The following PTPRA variants were observed in gnomAD, a reference collection of about 807,000 sequenced individuals.
PTPRA encodes the protein receptor-type tyrosine-protein phosphatase alpha.
In PTPRA, 25 loss-of-function variants were observed where a neutral mutation model predicts 104.8. The ratio of observed to expected loss-of-function variants is 0.24; its 90% confidence interval spans 0.17 to 0.33. The LOEUF is 0.33. Among genes scored for constraint, PTPRA ranks in the 10% least tolerant of loss-of-function variants. The pLI, the probability that PTPRA is intolerant of heterozygous loss-of-function variation, is 1.00. For synonymous variants in PTPRA, 323 were observed against 368.9 expected, an observed-to-expected ratio of 0.88 and a Z score of 1.43; for missense variants, 765 against 1,015.3, an observed-to-expected ratio of 0.75 and a Z score of 3.35.
chr20:2,897,263 T>A (rs2059035924), intron 1 of PTPRA, among the ~76,000 whole-genome samples: 3 of 152,226 alleles, frequency 2.0e-5, no homozygotes, highest in Admixed American at 2.0e-4. Context: ...TCTCATCAAA[T>A]TTTTGCTTGC....
At chr20:3,008,728 T>TAAAAAAAA (rs763235190) in intron 11 of PTPRA, among the ~76,000 whole-genome samples, 1 of 63,668 alleles carries the variant, frequency 1.6e-5, no homozygotes, top group Non-Finnish European at 3.4e-5. Flanking sequence ...TCATCTCTAC[T>TAAAAAAAA]AAAAAAAAAA....
chr20:2,890,136 G>A (rs940642211), intron 1 of PTPRA, among the ~76,000 whole-genome samples: 6 of 149,296 alleles, frequency 4.0e-5, no homozygotes, highest in African/African-American at 1.2e-4. Flanking sequence ...GCCTCAAACA[G>A]TCCTCCCGCC....
At position 2,940,426 on chromosome 20, in the gene PTPRA, G is replaced by A. The variant is rs73086641; in HGVS notation, c.-49-7556G>A. 6.4e-3 allele frequency among the ~76,000 whole-genome samples: 969 copies of A among 151,982 alleles called. 10 individuals are homozygous for A. The highest frequency in any genetic ancestry group is 0.011 in the Non-Finnish European group (746 of 67,974). ...CTCCCTCAGCCTTCCAAGTATCTGGGACTACAGGCATATACCCCCATACCT... is the reference window on the plus strand; with the variant it reads ...CTCCCTCAGCCTTCCAAGTATCTGGAACTACAGGCATATACCCCCATACCT... On this transcript the variant is annotated intron_variant, in intron 2 of 23. Transcript: ENST00000399903.
intron 9 of PTPRA, among the ~76,000 whole-genome samples, chr20:3,002,724 A>G (rs1458129686): frequency 6.6e-6 from 1 of 152,092 alleles, no homozygotes; most frequent in Non-Finnish European, 1.5e-5. Flanking sequence ...TCTCTAGTCC[A>G]TTTTCCATAC....
At chr20:2,892,757 G>A (rs1457247093) in intron 1 of PTPRA, among the ~76,000 whole-genome samples, 2 of 152,156 alleles carry the variant, frequency 1.3e-5, no homozygotes, top group African/African-American at 4.8e-5. Context: ...TTGGAATATA[G>A]CCCCATTGTA....
intron 11 of PTPRA, among the ~76,000 whole-genome samples, chr20:3,010,970 C>T (rs183683235): frequency 4.9e-4 from 74 of 152,324 alleles, no homozygotes; most frequent in African/African-American, 1.6e-3. Context: ...GCAGCATCTG[C>T]CACCGTAACC....
intron 1 of PTPRA, among the ~76,000 whole-genome samples, chr20:2,897,384 C>CTTTTTTTTT (rs60627339): frequency 9.2e-6 from 1 of 108,932 alleles, no homozygotes; most frequent in African/African-American, 3.8e-5. Context: ...CTTGGCATTT[C>CTTTTTTTTT]TTTTTTTTTT....
chr20:3,037,331 C>T lies in PTPRA; in HGVS notation c.2334+42C>T. 1 of 1,606,852 alleles carries T rather than the reference C, an allele frequency of 6.2e-7. No individual in the cohort carries two copies. Among genetic ancestry groups the T allele is most frequent in the Non-Finnish European group, 8.5e-7 (1 of 1,176,480 alleles). The stretch of plus-strand genomic sequence containing the variant: ...TTTGTCCCTGCCACCACACCACCTG[C>T]AGCCCTTCTCTCAGGGAGGAGGCTC... On this transcript the variant is annotated intron_variant, in intron 23 of 23. Coordinates refer to ENST00000399903, the MANE Select transcript of PTPRA (RefSeq NM_001385305.1). The surrounding 1 kb of genome is among the most constrained non-coding windows in gnomAD (Gnocchi z 4.3).
At chr20:2,877,442 A>G (rs1259300191) in intron 1 of PTPRA, among the ~76,000 whole-genome samples, 1 of 152,082 alleles carries the variant, frequency 6.6e-6, no homozygotes, top group Non-Finnish European at 1.5e-5. Context: ...TATTTTTAGT[A>G]AAGACGGGGT....
intron 3 of PTPRA, 149 bp from the exon 4 acceptor site, chr20:2,964,123 G>A (rs1400108226): frequency 7.7e-6 from 5 of 649,834 alleles, no homozygotes; most frequent in Admixed American, 3.0e-5. Context: ...TTGGATATCT[G>A]AGGAAGCATG....
At position 2,889,181 on chromosome 20, in the gene PTPRA, A is replaced by G. The variant is rs564067850; in HGVS notation, c.-129+15421A>G. Among the ~76,000 whole-genome samples, 5 of 152,348 alleles carry G rather than the reference A, an allele frequency of 3.3e-5. No individual in the cohort carries two copies. The South Asian group carries it at 1.0e-3, about 32-fold the overall frequency. On this transcript the variant is annotated intron_variant, in intron 1 of 23. Coordinates refer to ENST00000399903, the MANE Select transcript of PTPRA (RefSeq NM_001385305.1). The stretch of plus-strand genomic sequence containing the variant: ...AACATGTATTAAAGTGGTAAATTTA[A>G]AACCCAGTTTTCTTTTAGTCTTGTT...
intron 1 of PTPRA, among the ~76,000 whole-genome samples, chr20:2,896,965 G>A (rs540128976): frequency 6.6e-6 from 1 of 152,246 alleles, no homozygotes; most frequent in Admixed American, 6.5e-5. Context: ...TTATTTTGTA[G>A]CAAGTCCCAC....
chr20:2,964,963 T>C lies in PTPRA; in HGVS notation c.176T>C (p.Leu59Pro), dbSNP rs1310473627. The C allele has an allele frequency of 5.0e-6, 8 of 1,613,988 alleles. No individual in the cohort carries two copies. In the East Asian group the frequency reaches 1.8e-4, roughly 36 times the overall value. The change falls in exon 5 of 24, where the codon CTT becomes CCT. Residue 59 changes from leucine to proline, a missense_variant. By Grantham distance (98) the Leu-to-Pro change is moderately conservative (BLOSUM62 -3). Coordinates refer to ENST00000399903, the MANE Select transcript of PTPRA (RefSeq NM_001385305.1). ...TSNPTSSLTS[L>P]SVAPTFSPNI... ...AATCCAACTTCTTCACTAACTTCTC[T>C]TTCTGTGGCACCAACATTCAGCCCA...
chr20:2,899,151 A>G (rs1425490803), intron 1 of PTPRA, among the ~76,000 whole-genome samples: 1 of 152,224 alleles, frequency 6.6e-6, no homozygotes, highest in East Asian at 1.9e-4. Flanking sequence ...CTTGGCCAAC[A>G]TGATGAAACC....
chr20:2,948,900 C>T (rs1418478112), intron 3 of PTPRA, among the ~76,000 whole-genome samples: 3 of 151,786 alleles, frequency 2.0e-5, no homozygotes, highest in South Asian at 4.2e-4. Flanking sequence ...TGCAGTGAGC[C>T]GAGATTGCAC....
intron 6 of PTPRA, among the ~76,000 whole-genome samples, chr20:2,979,367 C>T (rs556807941): frequency 7.7e-4 from 118 of 152,320 alleles, no homozygotes; most frequent in African/African-American, 2.6e-3. Flanking sequence ...TCCTGTTGCA[C>T]AGGTATTGGA....
chr20:3,019,256 C>G (rs1443801671), intron 13 of PTPRA, among the ~76,000 whole-genome samples: 4 of 146,300 alleles, frequency 2.7e-5, no homozygotes, highest in African/African-American at 1.0e-4. Context: ...GGGGGGCTGA[C>G]CCCCCCACCT....
chr20:2,948,899 C>T (rs1490341644), intron 3 of PTPRA, among the ~76,000 whole-genome samples: 3 of 152,026 alleles, frequency 2.0e-5, no homozygotes, highest in Middle Eastern at 3.2e-3. Flanking sequence ...TTGCAGTGAG[C>T]CGAGATTGCA....
chr20:2,872,783 C>T (rs2089461705), upstream of PTPRA, among the ~76,000 whole-genome samples: 2 of 152,212 alleles, frequency 1.3e-5, 1 homozygote, highest in Admixed American at 1.3e-4. This position sits in a 1 kb window ranked among gnomAD's most constrained non-coding sequence, Gnocchi z 7.9. Flanking sequence ...ACTCTGGCTC[C>T]TCTCTGCGTT....
Sources: gnomAD v4.1 joint callset for allele counts (sites outside exome capture counted in the v4.1 genomes callset) on GRCh38, gnomAD v4.1.1 for gene constraint, Gnocchi (gnomAD v3.1) non-coding constraint, MANE v1.5 for transcripts, NCBI Gene and HGNC (gene_info 2026-07-23, HGNC 2026-07-21) for gene names.